Variants in NRG1 observed in about 807,000 individuals in gnomAD.
NRG1 encodes the protein pro-neuregulin-1, membrane-bound isoform.
NRG1 carries 18 observed loss-of-function variants against 63.8 expected under a neutral mutation model. That is an observed-to-expected ratio of 0.28 (90% CI 0.19 to 0.42). The LOEUF (loss-of-function observed/expected upper bound fraction) is 0.42, where lower values mean the gene tolerates loss of function less well. Ranked by LOEUF, NRG1 falls within the 10% of genes least tolerant of loss-of-function variation. The pLI is 1.00. For missense variants in NRG1, 762 were observed against 814.7 expected (o/e 0.94, Z 0.79); for synonymous variants, 302 against 301.3 (o/e 1.00, Z -0.02).
intron 1 of NRG1, among the ~76,000 whole-genome samples, chr8:32,130,231 T>C (rs1834630460): frequency 6.6e-6 from 1 of 151,854 alleles, no homozygotes; most frequent in South Asian, 2.1e-4. Flanking sequence ...GTCTTTTCCC[T>C]AAGCCTCATA....
intron 1 of NRG1, among the ~76,000 whole-genome samples, chr8:31,987,829 A>G (rs540792582): frequency 6.6e-6 from 1 of 152,238 alleles, no homozygotes; most frequent in Non-Finnish European, 1.5e-5. Context: ...TAGATAAGTA[A>G]TAGTAATACC....
At chr8:32,335,162 A>C (rs1244995455) in intron 1 of NRG1, among the ~76,000 whole-genome samples, 1 of 152,240 alleles carries the variant, frequency 6.6e-6, no homozygotes. Flanking sequence ...AATGCTCCGT[A>C]GATACCTCTG....
Position 32,742,941 on chromosome 8 carries a change from C to T in NRG1, c.691+208C>T. On this transcript the variant is annotated intron_variant, in intron 7 of 11. Coordinates refer to ENST00000356819, the Ensembl canonical transcript of NRG1. The surrounding 1 kb of genome is among the most constrained non-coding windows in gnomAD (Gnocchi z 4.2). ...TTCGCGACTAGTTGGCTCTGAGATA[C>T]TAATAGGTGTGTGAGGCTCCGGATG... 1 of 1,436,498 alleles carries T rather than the reference C, an allele frequency of 7.0e-7. No individual in the cohort carries two copies. The highest frequency in any genetic ancestry group is 9.1e-7 in the Non-Finnish European group (1 of 1,093,360). 89.0% of individuals were successfully genotyped at this position (1,436,498 alleles called of 1,614,324 possible). A position where few individuals can be genotyped will look rare whatever the true frequency, so the allele number is the denominator to read the frequency against.
intron 1 of NRG1, among the ~76,000 whole-genome samples, chr8:32,561,192 A>C (rs1456198764): frequency 1.3e-5 from 2 of 152,220 alleles, no homozygotes; most frequent in Non-Finnish European, 2.9e-5. Context: ...TTCAGTCTCA[A>C]GATGGCACTA....
intron 1 of NRG1, among the ~76,000 whole-genome samples, chr8:32,291,395 A>G (rs1332496268): frequency 1.3e-5 from 2 of 152,128 alleles, no homozygotes; most frequent in African/African-American, 4.8e-5. Context: ...TATTTAATAG[A>G]TAAGTCTTTC....
intron 1 of NRG1, among the ~76,000 whole-genome samples, chr8:31,762,861 G>C (rs951308559): frequency 3.3e-5 from 5 of 152,170 alleles, no homozygotes; most frequent in Non-Finnish European, 7.4e-5. Flanking sequence ...AGCATTACTT[G>C]ACATGAAAAC....
At chr8:31,766,282 T>TA in intron 1 of NRG1, among the ~76,000 whole-genome samples, 1 of 152,220 alleles carries the variant, frequency 6.6e-6, no homozygotes, top group East Asian at 1.9e-4. Flanking sequence ...TTAAAAAAGA[T>TA]CCCCTGAGTT....
chr8:31,709,069 A>G (rs1360820935), intron 1 of NRG1, among the ~76,000 whole-genome samples: 2 of 151,812 alleles, frequency 1.3e-5, no homozygotes, highest in Non-Finnish European at 2.9e-5. Flanking sequence ...ATTTTTATGT[A>G]TATTTATTTT....
At chr8:31,813,941 G>T (rs56362701) in intron 1 of NRG1, among the ~76,000 whole-genome samples, 63,849 of 151,982 alleles carry the variant, frequency 0.42, 14,364 homozygotes, top group East Asian at 0.86. Flanking sequence ...AATAAGCAAA[G>T]TCTTAGGGGG....
At chr8:31,958,280 A>G (rs1164731771) in intron 1 of NRG1, among the ~76,000 whole-genome samples, 5 of 152,208 alleles carry the variant, frequency 3.3e-5, no homozygotes, top group African/African-American at 7.2e-5. Context: ...AAAGACTAAA[A>G]TAAGAATAGA....
intron 1 of NRG1, among the ~76,000 whole-genome samples, chr8:32,369,777 T>G (rs1808566247): frequency 6.6e-6 from 1 of 152,144 alleles, no homozygotes; most frequent in Non-Finnish European, 1.5e-5. Context: ...CTAATGAAAT[T>G]TCGGATTTCT....
At chr8:32,119,560 T>C (rs1433391392) in intron 1 of NRG1, among the ~76,000 whole-genome samples, 1 of 152,142 alleles carries the variant, frequency 6.6e-6, no homozygotes, top group Non-Finnish European at 1.5e-5. Flanking sequence ...TCTCATCTTC[T>C]CTTAGGTATT....
rs374644767 is a variant in NRG1, at chr8:31,950,021, C to T, written c.37+310590C>T. ...ACCGTTCCAGATTTTCCCACTTTTTCCTTCTATCCACTGCCACCCTGCTGT... is the reference window on the plus strand; with the variant it reads ...ACCGTTCCAGATTTTCCCACTTTTTTCTTCTATCCACTGCCACCCTGCTGT... On this transcript the variant is annotated intron_variant, in intron 1 of 10. Coordinates refer to the NRG1 transcript ENST00000519301. Among the ~76,000 whole-genome samples the T allele has an allele frequency of 5.9e-5, 9 of 152,278 alleles. No individual in the cohort carries two copies. The East Asian group carries it at 7.7e-4, about 13-fold the overall frequency.
At chr8:31,889,763 T>C (rs1012837227) in intron 1 of NRG1, among the ~76,000 whole-genome samples, 1 of 152,150 alleles carries the variant, frequency 6.6e-6, no homozygotes, top group Admixed American at 6.5e-5. Flanking sequence ...TGCCTCCAAG[T>C]GTGTGGGCTG....
intron 1 of NRG1, among the ~76,000 whole-genome samples, chr8:32,343,316 A>G (rs1804314830): frequency 6.6e-6 from 1 of 152,214 alleles, no homozygotes; most frequent in Non-Finnish European, 1.5e-5. Context: ...AGTGTTTACT[A>G]GAGAATAATA....
chr8:32,017,657 G>T lies in NRG1; in HGVS notation c.37+378226G>T, dbSNP rs1815760803. On this transcript the variant is annotated intron_variant, in intron 1 of 10. Coordinates refer to the NRG1 transcript ENST00000519301. Reference sequence around the variant, plus strand: ...AATGAATTTGCTAGAGTAGCTAAGAGAACTCAGAAAAAGACGTGACTCAGT... The same window carrying T: ...AATGAATTTGCTAGAGTAGCTAAGATAACTCAGAAAAAGACGTGACTCAGT... Among the ~76,000 whole-genome samples, 3 of 152,268 alleles carry T rather than the reference G, an allele frequency of 2.0e-5. No homozygotes were observed. The South Asian group carries it at 6.2e-4, about 32-fold the overall frequency.
chr8:32,506,511 A>C (rs1414216132), intron 1 of NRG1, among the ~76,000 whole-genome samples: 1 of 152,220 alleles, frequency 6.6e-6, no homozygotes, highest in Non-Finnish European at 1.5e-5. Context: ...AAAGACAGAG[A>C]CAAAGAGAAA....
At chr8:32,735,660 T>TGATC (rs1231547085) in intron 6 of NRG1, among the ~76,000 whole-genome samples, 2 of 152,132 alleles carry the variant, frequency 1.3e-5, no homozygotes, top group African/African-American at 2.4e-5. Context: ...GGATGTAGAT[T>TGATC]GATCCCACAT....
chr8:32,653,812 A>G (rs1855679003), intron 5 of NRG1, among the ~76,000 whole-genome samples: 1 of 152,172 alleles, frequency 6.6e-6, no homozygotes, highest in African/African-American at 2.4e-5. Flanking sequence ...TCTGCCATTA[A>G]GTTGTTTAGT....
Sources: gnomAD v4.1 joint callset for allele counts (sites outside exome capture counted in the v4.1 genomes callset) on GRCh38, gnomAD v4.1.1 for gene constraint, Gnocchi (gnomAD v3.1) non-coding constraint, MANE v1.5 for transcripts, NCBI Gene and HGNC (gene_info 2026-07-23, HGNC 2026-07-21) for gene names.